CTNNA3: variants seen among roughly 807,000 people sequenced by gnomAD.
CTNNA3 encodes catenin alpha-3.
Under a neutral mutation model 95.7 loss-of-function variants are expected in CTNNA3, and 76 were observed. The ratio of observed to expected loss-of-function variants is 0.79; its 90% confidence interval spans 0.66 to 0.96. The LOEUF (loss-of-function observed/expected upper bound fraction) is 0.96. Ranked by LOEUF, CTNNA3 falls within the 40% of genes least tolerant of loss-of-function variation. CTNNA3 has a pLI of 0.00. For synonymous variants in CTNNA3, 431 were observed against 374.4 expected (o/e 1.15, Z -1.74); for missense variants, 1,191 against 1,089.8 (o/e 1.09, Z -1.31).
chr10:67,219,931 T>G (rs1027160208), intron 5 of CTNNA3, 61 bp from the exon 6 acceptor site: 2 of 1,331,350 alleles, frequency 1.5e-6, no homozygotes, highest in Non-Finnish European at 2.0e-6. Flanking sequence ...AGACTTAAAT[T>G]AAAAAGCTTC....
At chr10:66,968,430 C>A in intron 7 of CTNNA3, among the ~76,000 whole-genome samples, 1 of 149,740 alleles carries the variant, frequency 6.7e-6, no homozygotes, top group East Asian at 2.0e-4. Context: ...AAAAAAGAGA[C>A]AAGATGAATT....
At chr10:66,089,099 C>T (rs2081110601) in intron 14 of CTNNA3, among the ~76,000 whole-genome samples, 1 of 151,660 alleles carries the variant, frequency 6.6e-6, no homozygotes, top group Non-Finnish European at 1.5e-5. Flanking sequence ...AAGTTCGCGC[C>T]CCTTTTCTTT....
intron 15 of CTNNA3, among the ~76,000 whole-genome samples, chr10:66,011,839 G>A (rs2079010753): frequency 6.6e-6 from 1 of 152,160 alleles, no homozygotes; most frequent in South Asian, 2.1e-4. Context: ...TCACTTCCAT[G>A]AAGGGTTTTA....
At chr10:67,546,964 T>C (rs929723183) in intron 3 of CTNNA3, among the ~76,000 whole-genome samples, 1 of 152,186 alleles carries the variant, frequency 6.6e-6, no homozygotes, top group Non-Finnish European at 1.5e-5. Context: ...AGTTGAAAGT[T>C]AATTTTTAAT....
chr10:66,375,616 G>C (rs2092791119), intron 12 of CTNNA3, among the ~76,000 whole-genome samples: 1 of 150,628 alleles, frequency 6.6e-6, no homozygotes, highest in Non-Finnish European at 1.5e-5. Context: ...TTTTAATCAA[G>C]CTACAAAATG....
chr10:66,252,279 A>G (rs923919251), intron 13 of CTNNA3, among the ~76,000 whole-genome samples: 23 of 152,158 alleles, frequency 1.5e-4, no homozygotes, highest in Admixed American at 2.0e-4. Context: ...TCAGGAAGAG[A>G]ACATATTTTC....
chr10:67,005,416 T>C (rs146358432), intron 7 of CTNNA3, among the ~76,000 whole-genome samples: 244 of 152,234 alleles, frequency 1.6e-3, no homozygotes, highest in African/African-American at 5.6e-3. Context: ...TTTCCTTCAT[T>C]GTATTTCCTA....
chr10:67,419,466 A>G (rs549813659), intron 5 of CTNNA3, among the ~76,000 whole-genome samples: 131 of 151,842 alleles, frequency 8.6e-4, no homozygotes, highest in Non-Finnish European at 1.1e-3. Context: ...TCACCCTGGT[A>G]GTGAGCATAG....
intron 12 of CTNNA3, among the ~76,000 whole-genome samples, chr10:66,348,444 G>C (rs1482975867): frequency 6.6e-6 from 1 of 152,014 alleles, no homozygotes; most frequent in Non-Finnish European, 1.5e-5. Flanking sequence ...TTGTGGGATT[G>C]AGTGTGATAA....
At chr10:65,956,636 T>C (rs1307224678) in intron 17 of CTNNA3, among the ~76,000 whole-genome samples, 1 of 152,224 alleles carries the variant, frequency 6.6e-6, no homozygotes, top group Non-Finnish European at 1.5e-5. Context: ...TGCCTTCATT[T>C]TGTTATATAC....
intron 14 of CTNNA3, among the ~76,000 whole-genome samples, chr10:66,072,443 T>TTTTTGTTTTGTTTTG (rs10674853): frequency 0.049 from 7,359 of 151,012 alleles, 287 homozygotes; most frequent in Non-Finnish European, 0.065. Context: ...CATTTTCTTG[T>TTTTTGTTTTGTTTTG]TTTTGTTTTG....
chr10:66,815,346 G>T (rs111462522), intron 7 of CTNNA3, among the ~76,000 whole-genome samples: 1 of 151,860 alleles, frequency 6.6e-6, no homozygotes, highest in Non-Finnish European at 1.5e-5. Flanking sequence ...GTTCTGTGGC[G>T]GCCTTGAAAA....
At chr10:66,385,490 A>G (rs1413746119) in intron 11 of CTNNA3, among the ~76,000 whole-genome samples, 1 of 152,200 alleles carries the variant, frequency 6.6e-6, no homozygotes, top group Non-Finnish European at 1.5e-5. Context: ...AGAAGGATTC[A>G]CAGCCAAATT....
At chr10:67,728,378 G>T (rs955815518) in intron 1 of CTNNA3, among the ~76,000 whole-genome samples, 3 of 148,990 alleles carry the variant, frequency 2.0e-5, no homozygotes, top group Non-Finnish European at 4.4e-5. Context: ...GCTTGAACCT[G>T]GGAGGTGGAG....
chr10:67,360,114 T>G (rs549993067), intron 5 of CTNNA3, among the ~76,000 whole-genome samples: 51 of 152,060 alleles, frequency 3.4e-4, no homozygotes, highest in African/African-American at 1.2e-3. Context: ...CTAAGCTTCA[T>G]AGTACAGGAG....
chr10:66,897,086 T>C (rs1229497110), intron 7 of CTNNA3, among the ~76,000 whole-genome samples: 1 of 152,184 alleles, frequency 6.6e-6, no homozygotes, highest in Non-Finnish European at 1.5e-5. Flanking sequence ...ATGAATGAGA[T>C]TACCCATCCT....
chr10:67,726,415 A>ATTAT lies in CTNNA3; in HGVS notation c.-2+37018_-2+37019insATAA, dbSNP rs1228225638. 2.0e-4 allele frequency among the ~76,000 whole-genome samples: 12 copies of ATTAT among 58,970 alleles called. No individual in the cohort carries two copies. The East Asian group carries it at 5.5e-3, about 27-fold the overall frequency. The allele number at this position is 58,970 out of a possible 152,430, so 38.7% of individuals were successfully genotyped here. On this transcript the variant is annotated intron_variant, in intron 1 of 17. Coordinates refer to the CTNNA3 transcript ENST00000684154. ...ATATATTATATATTATATCATATAT[A>ATTAT]ATATTATATATTATATCATATATAA...
At chr10:65,990,078 T>G (rs949227059) in intron 15 of CTNNA3, among the ~76,000 whole-genome samples, 4 of 137,226 alleles carry the variant, frequency 2.9e-5, no homozygotes, top group Non-Finnish European at 6.1e-5. Flanking sequence ...GTGTGTAGTG[T>G]GTGTGTGTGT....
chr10:66,005,293 A>G (rs2078856856), intron 15 of CTNNA3, among the ~76,000 whole-genome samples: 1 of 152,220 alleles, frequency 6.6e-6, no homozygotes. Flanking sequence ...CACAGCCCTC[A>G]GGAGTCACTA....
Sources: gnomAD v4.1 joint callset for allele counts (sites outside exome capture counted in the v4.1 genomes callset) on GRCh38, gnomAD v4.1.1 for gene constraint, MANE v1.5 for transcripts, NCBI Gene and HGNC (gene_info 2026-07-23, HGNC 2026-07-21) for gene names.